The following PPP4R3B variants were observed in gnomAD, a reference collection of about 807,000 sequenced individuals.
PPP4R3B encodes the protein protein phosphatase 4 regulatory subunit 3B.
Under a neutral mutation model 95.4 loss-of-function variants are expected in PPP4R3B, and 52 were observed. The observed-to-expected ratio is 0.54, with a 90% CI of 0.44 to 0.69. The LOEUF (loss-of-function observed/expected upper bound fraction) is 0.69, where lower values mean the gene tolerates loss of function less well. PPP4R3B is among the 30% of genes least tolerant of loss of function. PPP4R3B has a pLI of 0.00. For synonymous variants in PPP4R3B, 407 were observed against 343.9 expected (o/e 1.18, Z -2.03); for missense variants, 1,003 against 1,005.9 (o/e 1.00, Z 0.04).
intron 6 of PPP4R3B, 91 bp downstream of exon 6, chr2:55,586,527 G>A (rs1318637695): frequency 1.5e-6 from 1 of 681,972 alleles, no homozygotes; most frequent in Non-Finnish European, 2.5e-6. Flanking sequence ...CTATAGAATT[G>A]AATATACATT....
Position 55,581,653 on chromosome 2 carries a change from T to C in PPP4R3B, c.1279A>G (p.Thr427Ala). 3 of 1,613,742 alleles carry C rather than the reference T, an allele frequency of 1.9e-6. No homozygotes were observed. The highest frequency in any genetic ancestry group is 2.5e-6 in the Non-Finnish European group (3 of 1,179,862). ...NVVIEQMICD[T>A]DPELGGAVQL... ...ACAGCGCCTCCTAGCTCAGGATCAG[T>C]ATCACAGATCATTTGTTCAATTACC... The change falls in exon 8 of 17, where the codon ACT (threonine) becomes GCT (alanine). Residue 427 changes from threonine to alanine, a missense_variant. Physicochemically the swap from Thr to Ala is moderately conservative, Grantham distance 58. This residue lies in a region of PPP4R3B where 695 missense variants were observed against 686.2 expected (regional missense o/e 1.01). Coordinates refer to ENST00000616407, the MANE Select transcript of PPP4R3B (RefSeq NM_001122964.3).
At position 55,581,526 on chromosome 2, in the gene PPP4R3B, T is replaced by C. The variant is rs377262837; in HGVS notation, c.1365+41A>G. ...ATCTTATTACAAAGCCACCTAAAAC[T>C]GACTAGGCCAAAACATTTTTATCTC... On this transcript the variant is annotated intron_variant, in intron 8 of 16. Transcript: ENST00000616407. 379 of 1,586,162 alleles carry C rather than the reference T, an allele frequency of 2.4e-4. No homozygotes were observed. The African/African-American group carries it at 4.9e-3, about 20-fold the overall frequency.
intron 1 of PPP4R3B, 34 bp from the exon 2 acceptor site, chr2:55,615,540 A>C: frequency 1.7e-5 from 25 of 1,430,958 alleles, no homozygotes; most frequent in Non-Finnish European, 2.3e-5. Context: ...CATAAGTCTC[A>C]AATGATAAAA....
rs187938319 is a variant in PPP4R3B, at chr2:55,595,216, G to A, written c.921+3200C>T. 4.3e-3 allele frequency among the ~76,000 whole-genome samples: 657 copies of A among 151,978 alleles called. 6 individuals carry two copies. Among genetic ancestry groups the A allele is most frequent in the Middle Eastern group, 0.014 (4 of 294 alleles). ...TTTTTGTATTTTTAGTAGAGATGGAGTTTCGCCATGTTGGTCAGGCTGGTC... is the reference window on the plus strand; with the variant it reads ...TTTTTGTATTTTTAGTAGAGATGGAATTTCGCCATGTTGGTCAGGCTGGTC... On this transcript the variant is annotated intron_variant, in intron 4 of 16. Coordinates refer to ENST00000616407, the MANE Select transcript of PPP4R3B (RefSeq NM_001122964.3).
In PPP4R3B at chr2:55,617,128, G is replaced by C. The variant is rs778238910; in HGVS notation, c.142+16C>G. ...CAGAGGCACTATCCCCTATTCTACA[G>C]TTCCGATAACCTTACCGTCGGACTC... On this transcript the variant is annotated intron_variant, in intron 1 of 16. Transcript: ENST00000616407. 2 of 1,605,954 alleles carry C rather than the reference G, an allele frequency of 1.2e-6. No homozygotes were observed. Among genetic ancestry groups the C allele is most frequent in the East Asian group, 2.2e-5 (1 of 44,790 alleles).
At chr2:55,575,023 C>T (rs1198255466) in intron 11 of PPP4R3B, among the ~76,000 whole-genome samples, 6 of 149,734 alleles carry the variant, frequency 4.0e-5, no homozygotes, top group Admixed American at 6.6e-5. Flanking sequence ...CTGCAAGCTC[C>T]GCCTCCCGGG....
At chr2:55,598,215 G>A (rs533971695) in intron 4 of PPP4R3B, among the ~76,000 whole-genome samples, 2 of 151,932 alleles carry the variant, frequency 1.3e-5, no homozygotes, top group Admixed American at 6.6e-5. Flanking sequence ...ACGAGACTCC[G>A]ACTCAAAAAA....
chr2:55,617,178 C>T lies in PPP4R3B; in HGVS notation c.108G>A (p.Lys36=), dbSNP rs754016366. ...CTGCCCGAACCAGCAGCGACATCCC[C>T]TTGAGCTCCTCCACGTAAGTGGAGG... ...HVSSTYVEEL[K]GMSLLVRAES... Residue 36 remains lysine (K), a synonymous_variant, in exon 1 of 17, where the codon AAG becomes AAA. Transcript: ENST00000616407. 1 of 1,613,780 alleles carries T rather than the reference C, an allele frequency of 6.2e-7. No individual in the cohort carries two copies. Among genetic ancestry groups the T allele is most frequent in the Non-Finnish European group, 8.5e-7 (1 of 1,179,834 alleles).
chr2:55,582,034 G>T (rs1468739795), intron 7 of PPP4R3B, among the ~76,000 whole-genome samples: 1 of 152,040 alleles, frequency 6.6e-6, no homozygotes, highest in South Asian at 2.1e-4. Flanking sequence ...CTCATTTTGG[G>T]TTTCAGACTC....
At chr2:55,588,085 C>G (rs540589773) in intron 5 of PPP4R3B, among the ~76,000 whole-genome samples, 1 of 152,144 alleles carries the variant, frequency 6.6e-6, no homozygotes, top group Non-Finnish European at 1.5e-5. Flanking sequence ...ACGGCAATCA[C>G]AATCACTATT....
In PPP4R3B at chr2:55,617,522, TC is replaced by T. The variant is rs1695137769; in HGVS notation, c.-238del. The T allele has an allele frequency of 1.4e-5, 6 of 415,126 alleles. No individual in the cohort carries two copies. The South Asian group carries it at 3.3e-4, about 23-fold the overall frequency. 25.7% of individuals were successfully genotyped at this position (415,126 alleles called of 1,614,324 possible). On this transcript the variant is annotated 5_prime_UTR_variant, in exon 1 of 17. Transcript: ENST00000616407. ...ACTTCACCCGCGCATACACCCACTC[TC>T]CCGTCTCTTTGCCCCCCAGGGCTCG...
In PPP4R3B at chr2:55,586,173, TATC is replaced by T. The variant is rs199524977; in HGVS notation, c.1116+442_1116+444del. Among the ~76,000 whole-genome samples, 17 of 152,330 alleles carry T rather than the reference TATC, an allele frequency of 1.1e-4. No homozygotes were observed. The East Asian group carries it at 2.9e-3, about 26-fold the overall frequency. ...TTATTTATGTTAACATATAATGGGT[TATC>T]ATTTTTAAATGAATGCTTTAAAAAT... On this transcript the variant is annotated intron_variant, in intron 6 of 16. Coordinates refer to ENST00000616407, the MANE Select transcript of PPP4R3B (RefSeq NM_001122964.3).
At chr2:55,550,731 G>C (rs926452318) in intron 16 of PPP4R3B, among the ~76,000 whole-genome samples, 2 of 152,092 alleles carry the variant, frequency 1.3e-5, no homozygotes, top group African/African-American at 4.8e-5. Flanking sequence ...ACTGTATTTA[G>C]TTCAAACCCT....
chr2:55,577,018 AATTGGTTTTAGTTTACT>A (rs1688770951), intron 11 of PPP4R3B, among the ~76,000 whole-genome samples: 1 of 152,238 alleles, frequency 6.6e-6, no homozygotes, highest in Non-Finnish European at 1.5e-5. Context: ...GTTGCAAAGT[AATTGGTTTTAGTTTACT>A]ACATTTCAAA....
At chr2:55,555,076 C>G (rs1042214449) in intron 16 of PPP4R3B, among the ~76,000 whole-genome samples, 1 of 151,856 alleles carries the variant, frequency 6.6e-6, no homozygotes, top group Non-Finnish European at 1.5e-5. Context: ...GTCAGGAGAT[C>G]GAGAACATCC....
At chr2:55,557,296 C>T (rs1429216991) in intron 16 of PPP4R3B, among the ~76,000 whole-genome samples, 1 of 152,104 alleles carries the variant, frequency 6.6e-6, no homozygotes, top group African/African-American at 2.4e-5. Context: ...AGGCTCAAAC[C>T]ATTCTCCTGC....
chr2:55,575,063 A>T (rs1035954458), intron 11 of PPP4R3B, among the ~76,000 whole-genome samples: 1 of 143,212 alleles, frequency 7.0e-6, no homozygotes, highest in Admixed American at 7.1e-5. Context: ...TCAGCCTCCC[A>T]AGTAGCTGGG....
chr2:55,597,752 G>C (rs1052277053), intron 4 of PPP4R3B, among the ~76,000 whole-genome samples: 1 of 152,110 alleles, frequency 6.6e-6, no homozygotes, highest in Non-Finnish European at 1.5e-5. Flanking sequence ...GGCGAGCTGA[G>C]ATCATGCCAT....
chr2:55,551,794 A>G (rs1685279223), intron 16 of PPP4R3B, among the ~76,000 whole-genome samples: 1 of 152,134 alleles, frequency 6.6e-6, no homozygotes, highest in African/African-American at 2.4e-5. Flanking sequence ...CCAAACATCT[A>G]AAGCACTTCA....
Sources: allele counts gnomAD v4.1 joint callset (sites outside exome capture counted in the v4.1 genomes callset), GRCh38; gene constraint gnomAD v4.1.1; regional missense constraint gnomAD v4.1.1; transcripts MANE v1.5; gene names NCBI Gene and HGNC (gene_info 2026-07-23, HGNC 2026-07-21).